MYSM1: variants seen among roughly 807,000 people sequenced by gnomAD.
MYSM1 encodes the protein deubiquitinase MYSM1.
Under a neutral mutation model 116.0 loss-of-function variants are expected in MYSM1, and 51 were observed. The ratio of observed to expected loss-of-function variants is 0.44; its 90% confidence interval spans 0.35 to 0.56. The LOEUF (loss-of-function observed/expected upper bound fraction) is 0.56. MYSM1 is among the 20% of genes least tolerant of loss of function. The probability of loss-of-function intolerance (pLI) is 0.00; values close to 1 mark genes in which losing one functional copy is unlikely to be tolerated. For missense variants in MYSM1, 900 were observed against 974.9 expected (o/e 0.92, Z 1.02); for synonymous variants, 313 against 315.2 (o/e 0.99, Z 0.07).
rs1644959148 is a variant in MYSM1, at chr1:58,695,332, TAACA to T, written c.69-129_69-126del. 2.1e-5 allele frequency: 12 copies of T among 566,384 alleles called. No individual in the cohort carries two copies. The East Asian group carries it at 3.7e-4, about 18-fold the overall frequency. The allele number at this position is 566,384 out of a possible 1,614,324, so 35.1% of individuals were successfully genotyped here. Reference sequence around the variant, plus strand: ...CAAATACTTAGTTCCCTTCTCCCCTTAACAAACAGATTTAACATTGTGGAAATGC... The same window carrying T: ...CAAATACTTAGTTCCCTTCTCCCCTTAACAGATTTAACATTGTGGAAATGC... On this transcript the variant is annotated intron_variant, in intron 1 of 19. Transcript: ENST00000472487.
intron 3 of MYSM1, chr1:58,692,623 A>G (rs1218995692): frequency 2.7e-6 from 1 of 365,270 alleles, no homozygotes; most frequent in South Asian, 6.8e-5. Context: ...CAGATATCAT[A>G]AACAGTTGGC....
chr1:58,671,194 G>C (rs560266989), intron 12 of MYSM1, among the ~76,000 whole-genome samples: 64 of 152,114 alleles, frequency 4.2e-4, no homozygotes, highest in Non-Finnish European at 7.8e-4. Context: ...TATAAAATGG[G>C]AGTGAGAACA....
chr1:58,656,128 G>A lies in MYSM1; in HGVS notation c.*3869C>T, dbSNP rs1438542961. The A allele has an allele frequency of 6.6e-6, 1 of 152,378 alleles. No homozygotes were observed. Among genetic ancestry groups the A allele is most frequent in the African/African-American group, 2.4e-5 (1 of 41,568 alleles). 9.4% of individuals were successfully genotyped at this position (152,378 alleles called of 1,614,324 possible). A position where few individuals can be genotyped will look rare whatever the true frequency, so the allele number is the denominator to read the frequency against. On this transcript the variant is annotated 3_prime_UTR_variant, in exon 20 of 20. Transcript: ENST00000472487. ...AATGGGAGGAAGGTAATGCAGAGGA[G>A]ACCTGCTCAGGTTGGCATGTTGAAG...
In MYSM1 at chr1:58,673,470, T is replaced by A. The variant is rs1033353847; in HGVS notation, c.1572+103A>T. 3 of 959,534 alleles carry A rather than the reference T, an allele frequency of 3.1e-6. No homozygotes were observed. The African/African-American group carries it at 4.9e-5, about 16-fold the overall frequency. 59.4% of individuals were successfully genotyped at this position (959,534 alleles called of 1,614,324 possible). ...ATTAACATGGGAATGAACACATACA[T>A]GTTAATGTATGAAACAAGTACAATA... is the stretch of plus-strand genomic sequence containing the variant. On this transcript the variant is annotated intron_variant, in intron 11 of 19. Coordinates refer to ENST00000472487, the MANE Select transcript of MYSM1 (RefSeq NM_001085487.3).
chr1:58,673,466 T>C (rs1644594963), intron 11 of MYSM1, 107 bp downstream of exon 11: 1 of 922,658 alleles, frequency 1.1e-6, no homozygotes, highest in Non-Finnish European at 1.7e-6. Flanking sequence ...AATGAACACA[T>C]ACATGTTAAT....
chr1:58,690,669 ATTATT>A lies in MYSM1; in HGVS notation c.219-257_219-253del, dbSNP rs1367023519. Among the ~76,000 whole-genome samples, 35 of 136,924 alleles carry A rather than the reference ATTATT, an allele frequency of 2.6e-4. 1 individual carries two copies. The highest frequency in any genetic ancestry group is 3.1e-5 in the Non-Finnish European group (2 of 64,662). The allele number at this position is 136,924 out of a possible 152,430, so 89.8% of individuals were successfully genotyped here. A position where few individuals can be genotyped will look rare whatever the true frequency, so the allele number is the denominator to read the frequency against. On this transcript the variant is annotated intron_variant, in intron 3 of 19. Coordinates refer to ENST00000472487, the MANE Select transcript of MYSM1 (RefSeq NM_001085487.3). The stretch of plus-strand genomic sequence containing the variant: ...GTAAACTTTCTTAAAACACCATGAG[ATTATT>A]TTGTGATTTTTTTTTTTTTTTTTGG...
At position 58,669,097 on chromosome 1, in the gene MYSM1, T is replaced by C; in HGVS notation, c.1662-59A>G. 2.4e-6 allele frequency: 3 copies of C among 1,265,494 alleles called. 1 individual carries two copies. Among genetic ancestry groups the C allele is most frequent in the South Asian group, 2.7e-5 (2 of 73,064 alleles). The allele number at this position is 1,265,494 out of a possible 1,614,324, so 78.4% of individuals were successfully genotyped here. A position where few individuals can be genotyped will look rare whatever the true frequency, so the allele number is the denominator to read the frequency against. The stretch of plus-strand genomic sequence containing the variant: ...AACAAGATTAGGAAAATAACATTTA[T>C]TTGTAAATCTGAAAGTGTATATCAA... On this transcript the variant is annotated intron_variant, in intron 12 of 19. Coordinates refer to ENST00000472487, the MANE Select transcript of MYSM1 (RefSeq NM_001085487.3).
At chr1:58,670,724 G>A (rs1236329514) in intron 12 of MYSM1, among the ~76,000 whole-genome samples, 4 of 152,128 alleles carry the variant, frequency 2.6e-5, no homozygotes, top group African/African-American at 7.2e-5. Context: ...GAATGTCTTC[G>A]TTGTTTAAAT....
intron 13 of MYSM1, 72 bp from the exon 14 acceptor site, chr1:58,668,754 C>A: frequency 3.0e-6 from 4 of 1,355,058 alleles, no homozygotes; most frequent in Non-Finnish European, 4.1e-6. Context: ...ACCTGGAATG[C>A]CCACCCTGTT....
In MYSM1 at chr1:58,667,207, C is replaced by A; in HGVS notation, c.1862G>T (p.Cys621Phe). 1 of 1,597,114 alleles carries A rather than the reference C, an allele frequency of 6.3e-7. No homozygotes were observed. The highest frequency in any genetic ancestry group is 8.5e-7 in the Non-Finnish European group (1 of 1,170,324). ...KVVEVCAAEP[C>F]NSLSTGLQCE... ...CTGTAGTCCTGTACTCAGACTGTTACATGGTTCTGCTGCACAGACCTATAA... is the reference window on the plus strand; with the variant it reads ...CTGTAGTCCTGTACTCAGACTGTTAAATGGTTCTGCTGCACAGACCTATAA... The change falls in exon 16 of 20, where the codon TGT becomes TTT. Residue 621 changes from cysteine to phenylalanine, a missense_variant. Transcript: ENST00000472487.
chr1:58,662,473 T>TC (rs1232990566), intron 17 of MYSM1, among the ~76,000 whole-genome samples: 7 of 150,912 alleles, frequency 4.6e-5, no homozygotes, highest in African/African-American at 1.7e-4. Flanking sequence ...TTTTTTTTTT[T>TC]TCGATGAGGA....
At position 58,677,009 on chromosome 1, in the gene MYSM1, C is replaced by A. The variant is rs1644663803; in HGVS notation, c.1307G>T (p.Gly436Val). 11 of 1,611,330 alleles carry A rather than the reference C, an allele frequency of 6.8e-6. No individual in the cohort carries two copies. The highest frequency in any genetic ancestry group is 1.3e-5 in the African/African-American group (1 of 74,786). The change falls in exon 9 of 20, where the codon GGC becomes GTC. Residue 436 changes from glycine (G) to valine (V), a missense_variant. Coordinates refer to ENST00000472487, the MANE Select transcript of MYSM1 (RefSeq NM_001085487.3). Reference protein sequence around the residue: ...KYLNKTSVRPGLKNCGDVNCI... With the variant: ...KYLNKTSVRPVLKNCGDVNCI... Reference sequence around the variant, plus strand: ...ATTAACATCTCCACAGTTCTTCAGGCCAGGACGTACTGAGGTCTTATTTAA... The same window carrying A: ...ATTAACATCTCCACAGTTCTTCAGGACAGGACGTACTGAGGTCTTATTTAA...
intron 1 of MYSM1, 46 bp from the exon 2 acceptor site, chr1:58,695,253 T>G: frequency 8.2e-7 from 1 of 1,225,566 alleles, no homozygotes; most frequent in South Asian, 1.2e-5. Context: ...ATCATATTAG[T>G]TAATGAATGT....
chr1:58,694,693 G>A (rs1005897364), intron 2 of MYSM1, among the ~76,000 whole-genome samples: 3 of 150,972 alleles, frequency 2.0e-5, no homozygotes, highest in African/African-American at 4.9e-5. Context: ...CTTTGAGACC[G>A]GGTCTCATTC....
chr1:58,695,021 A>G (rs565326758), intron 2 of MYSM1, 108 bp downstream of exon 2: 1 of 530,590 alleles, frequency 1.9e-6, no homozygotes, highest in Admixed American at 3.3e-5. Flanking sequence ...AAAATATTAT[A>G]TCTGTGATAG....
chr1:58,680,686 G>C (rs1455424661), intron 8 of MYSM1, among the ~76,000 whole-genome samples: 1 of 152,170 alleles, frequency 6.6e-6, no homozygotes, highest in Non-Finnish European at 1.5e-5. Context: ...CAATAGGACA[G>C]GAAGGCTTTC....
At chr1:58,674,926 CAAA>C (rs1223507192) in intron 10 of MYSM1, among the ~76,000 whole-genome samples, 4 of 58,138 alleles carry the variant, frequency 6.9e-5, no homozygotes, top group Admixed American at 1.9e-4. Context: ...GACTCTGTCT[CAAA>C]AAAAAAAAAA....
At chr1:58,697,897 A>AG (rs1393600607) in intron 1 of MYSM1, among the ~76,000 whole-genome samples, 5 of 150,806 alleles carry the variant, frequency 3.3e-5, no homozygotes, top group Non-Finnish European at 7.4e-5. Context: ...CCAACCCAAA[A>AG]GTTTCAATAC....
rs533632505 is a variant in MYSM1 at position 58,696,141 on chromosome 1, A to G, written c.69-934T>C. On this transcript the variant is annotated intron_variant, in intron 1 of 19. Coordinates refer to ENST00000472487, the MANE Select transcript of MYSM1 (RefSeq NM_001085487.3). ...TGATGGTAAATAGATTTAATCTTAA[A>G]TGTCAACTATGATCTGGAAGAGGCT... Among the ~76,000 whole-genome samples, 4 of 152,316 alleles carry G rather than the reference A, an allele frequency of 2.6e-5. No individual in the cohort carries two copies. The South Asian group carries it at 8.3e-4, about 32-fold the overall frequency.
Sources: allele counts gnomAD v4.1 joint callset (sites outside exome capture counted in the v4.1 genomes callset), GRCh38; gene constraint gnomAD v4.1.1; transcripts MANE v1.5; gene names NCBI Gene and HGNC (gene_info 2026-07-23, HGNC 2026-07-21).